The following MGAT4C variants were observed in gnomAD, a reference collection of about 807,000 sequenced individuals.
MGAT4C encodes MGAT4 family member C.
In MGAT4C, 19 loss-of-function variants were observed where a neutral mutation model predicts 40.1. That is an observed-to-expected ratio of 0.47 (90% CI 0.33 to 0.70). The LOEUF is 0.70. Among genes scored for constraint, MGAT4C ranks in the 30% least tolerant of loss-of-function variants. MGAT4C has a pLI of 0.02. For synonymous variants in MGAT4C, 181 were observed against 187.1 expected (o/e 0.97, Z 0.27); for missense variants, 491 against 563.2 (o/e 0.87, Z 1.30).
At chr12:86,752,247 TTCAA>T (rs1951240022) in intron 1 of MGAT4C, among the ~76,000 whole-genome samples, 1 of 152,074 alleles carries the variant, frequency 6.6e-6, no homozygotes, top group Non-Finnish European at 1.5e-5. Context: ...GTGTCTAGTG[TTCAA>T]TCATTCAGTT....
At chr12:86,468,999 CAATTT>C (rs1006465145) in intron 2 of MGAT4C, among the ~76,000 whole-genome samples, 3 of 151,844 alleles carry the variant, frequency 2.0e-5, no homozygotes, top group African/African-American at 7.3e-5. Context: ...ACATATTATC[CAATTT>C]AATTATTTTG....
intron 4 of MGAT4C, among the ~76,000 whole-genome samples, chr12:86,289,611 G>T (rs1953451442): frequency 6.6e-6 from 1 of 152,026 alleles, no homozygotes; most frequent in Non-Finnish European, 1.5e-5. Context: ...TCCTTGTAGA[G>T]ATCATTCACC....
chr12:86,510,737 A>T (rs1270296684), intron 2 of MGAT4C, among the ~76,000 whole-genome samples: 1 of 152,208 alleles, frequency 6.6e-6, no homozygotes, highest in African/African-American at 2.4e-5. Context: ...ATCAAAAGAG[A>T]CAAAGAAGGC....
intron 1 of MGAT4C, among the ~76,000 whole-genome samples, chr12:86,085,909 T>C (rs533751665): frequency 3.3e-5 from 5 of 152,094 alleles, no homozygotes; most frequent in Non-Finnish European, 5.9e-5. Flanking sequence ...GGAGAGGACA[T>C]GGAGAAATAG....
intron 2 of MGAT4C, among the ~76,000 whole-genome samples, chr12:86,440,710 A>G (rs1442269325): frequency 6.6e-6 from 1 of 152,064 alleles, no homozygotes; most frequent in Admixed American, 6.6e-5. Context: ...TGATTTGATC[A>G]TATACCTAGG....
intron 1 of MGAT4C, among the ~76,000 whole-genome samples, chr12:86,249,338 A>T (rs1367487311): frequency 6.6e-6 from 1 of 152,170 alleles, no homozygotes; most frequent in Non-Finnish European, 1.5e-5. Context: ...AACATTATCC[A>T]TTATTTAAAA....
chr12:86,809,561 A>ATTT, intron 1 of MGAT4C, among the ~76,000 whole-genome samples: 1 of 151,794 alleles, frequency 6.6e-6, no homozygotes, highest in South Asian at 2.1e-4. Flanking sequence ...CTATTTTTTA[A>ATTT]AAAAAAATTT....
intron 2 of MGAT4C, among the ~76,000 whole-genome samples, chr12:86,686,119 TCTGC>T (rs1950068390): frequency 6.6e-6 from 1 of 151,958 alleles, no homozygotes; most frequent in Non-Finnish European, 1.5e-5. Context: ...GACCTCATGA[TCTGC>T]CCGTCTCAGC....
At chr12:86,081,921 AC>A (rs1870912971) in intron 1 of MGAT4C, among the ~76,000 whole-genome samples, 1 of 152,142 alleles carries the variant, frequency 6.6e-6, no homozygotes, top group Admixed American at 6.6e-5. Flanking sequence ...TTCATTAAAA[AC>A]ATCTACATTA....
chr12:86,081,835 G>A (rs549254941), intron 1 of MGAT4C, among the ~76,000 whole-genome samples: 4 of 152,246 alleles, frequency 2.6e-5, no homozygotes, highest in South Asian at 2.1e-4. Context: ...TAACATTGCC[G>A]AATGTGACAG....
rs909736096 is a variant in MGAT4C at position 86,469,856 on chromosome 12, C to T, written c.-228-34591G>A. On this transcript the variant is annotated intron_variant, in intron 2 of 7. Transcript: ENST00000548651. ...CAAAATGATGATCAATATGAAACCACATATTTGCATGAAGACCAAATCCTC... is the reference window on the plus strand; with the variant it reads ...CAAAATGATGATCAATATGAAACCATATATTTGCATGAAGACCAAATCCTC... Among the ~76,000 whole-genome samples, 8 of 152,240 alleles carry T rather than the reference C, an allele frequency of 5.3e-5. No homozygotes were observed. In the East Asian group the frequency reaches 1.4e-3, roughly 26 times the overall value.
chr12:86,464,399 T>G (rs551681601), intron 2 of MGAT4C, among the ~76,000 whole-genome samples: 1 of 152,284 alleles, frequency 6.6e-6, no homozygotes, highest in African/African-American at 2.4e-5. Context: ...TAAAATAATT[T>G]TATATCAAAA....
chr12:86,010,601 C>T (rs1888358429), intron 2 of MGAT4C, among the ~76,000 whole-genome samples: 1 of 152,156 alleles, frequency 6.6e-6, no homozygotes, highest in Non-Finnish European at 1.5e-5. Flanking sequence ...TTGCTTGAAA[C>T]CGGGAGGCGG....
At chr12:86,163,581 AT>A (rs902227296) in intron 1 of MGAT4C, among the ~76,000 whole-genome samples, 17 of 151,750 alleles carry the variant, frequency 1.1e-4, no homozygotes, top group South Asian at 1.0e-3. Flanking sequence ...AACATAACAG[AT>A]TTTTTTTTGT....
At chr12:86,400,353 G>T (rs956611172) in intron 3 of MGAT4C, among the ~76,000 whole-genome samples, 2 of 152,122 alleles carry the variant, frequency 1.3e-5, no homozygotes, top group African/African-American at 4.8e-5. Flanking sequence ...ACTAAATAAA[G>T]ACTGTATTAC....
intron 2 of MGAT4C, among the ~76,000 whole-genome samples, chr12:86,593,758 T>C (rs973501018): frequency 6.6e-6 from 1 of 152,190 alleles, no homozygotes; most frequent in Non-Finnish European, 1.5e-5. Context: ...GACTGAGATT[T>C]TTTTCGGCTG....
chr12:86,279,131 G>A (rs551538283), intron 4 of MGAT4C, among the ~76,000 whole-genome samples: 294 of 152,054 alleles, frequency 1.9e-3, no homozygotes, highest in African/African-American at 6.6e-3. Flanking sequence ...TTTTTAATGT[G>A]TCTTTGTCTG....
Position 86,319,053 on chromosome 12 carries a change from CT to C in MGAT4C, c.-57+15011del, listed in dbSNP as rs1279330753. Among the ~76,000 whole-genome samples, 5 of 152,272 alleles carry C rather than the reference CT, an allele frequency of 3.3e-5. No homozygotes were observed. The East Asian group carries it at 9.7e-4, about 29-fold the overall frequency. ...AAGATGTGACAAACACCTAACTACC[CT>C]TCTACAAGACTCAGGGAAAATGTTT... On this transcript the variant is annotated intron_variant, in intron 4 of 7. Transcript: ENST00000548651.
At chr12:86,719,884 A>G (rs1412654097) in intron 2 of MGAT4C, among the ~76,000 whole-genome samples, 2 of 152,156 alleles carry the variant, frequency 1.3e-5, no homozygotes, top group Non-Finnish European at 2.9e-5. Context: ...AAGTTATTAG[A>G]TCTCCTGTTA....
Sources: gnomAD v4.1 joint callset for allele counts (sites outside exome capture counted in the v4.1 genomes callset) on GRCh38, gnomAD v4.1.1 for gene constraint, MANE v1.5 for transcripts, NCBI Gene and HGNC (gene_info 2026-07-23, HGNC 2026-07-21) for gene names.